Variants in NQO1 observed in about 807,000 individuals in gnomAD.
The protein encoded by NQO1 is NAD(P)H quinone dehydrogenase 1.
NQO1 carries 30 observed loss-of-function variants against 32.1 expected under a neutral mutation model. That is an observed-to-expected ratio of 0.94 (90% CI 0.70 to 1.27). The LOEUF (loss-of-function observed/expected upper bound fraction) is 1.27, where lower values mean the gene tolerates loss of function less well. Among genes scored for constraint, NQO1 ranks in the 50% most tolerant of loss-of-function variants. The probability of loss-of-function intolerance (pLI) is 0.00; values close to 1 mark genes in which losing one functional copy is unlikely to be tolerated. For missense variants in NQO1, 276 were observed against 331.3 expected, an observed-to-expected ratio of 0.83 and a Z score of 1.30; for synonymous variants, 109 against 119.7, an observed-to-expected ratio of 0.91 and a Z score of 0.59.
At chr16:69,712,589 C>T (rs2038055426) in intron 5 of NQO1, among the ~76,000 whole-genome samples, 1 of 152,210 alleles carries the variant, frequency 6.6e-6, no homozygotes, top group Non-Finnish European at 1.5e-5. Flanking sequence ...AGGAGGCTCC[C>T]ATCATTCTGA....
intron 4 of NQO1, among the ~76,000 whole-genome samples, chr16:69,714,181 A>G (rs142474651): frequency 1.5e-3 from 178 of 121,346 alleles, no homozygotes; most frequent in African/African-American, 5.2e-3. Flanking sequence ...TTGGCCTTTT[A>G]TTTTTTAAGA....
At chr16:69,720,080 G>A (rs956732784) in intron 1 of NQO1, among the ~76,000 whole-genome samples, 2 of 152,046 alleles carry the variant, frequency 1.3e-5, no homozygotes, top group African/African-American at 2.4e-5. Flanking sequence ...TGACAAAAGC[G>A]AAATCCCTTC....
chr16:69,723,109 G>C (rs1471968481), intron 1 of NQO1, among the ~76,000 whole-genome samples: 1 of 152,186 alleles, frequency 6.6e-6, no homozygotes, highest in Non-Finnish European at 1.5e-5. Flanking sequence ...ATTTTTAGTA[G>C]AGACGGGGTT....
In NQO1 at chr16:69,710,959, A is replaced by G. The variant is rs1346597816; in HGVS notation, c.*17T>C. 1 of 1,598,254 alleles carries G rather than the reference A, an allele frequency of 6.3e-7. No homozygotes were observed. The highest frequency in any genetic ancestry group is 1.7e-5 in the Admixed American group (1 of 57,558). On this transcript the variant is annotated 3_prime_UTR_variant, in exon 6 of 6. Transcript: ENST00000320623. ...AGATTTGATAACATGTTAGAAGGAA[A>G]TCCAGGCTAAGGAATCTCATTTTCT... is the stretch of plus-strand genomic sequence containing the variant.
intron 1 of NQO1, among the ~76,000 whole-genome samples, chr16:69,724,609 G>A (rs193178139): frequency 2.5e-3 from 377 of 151,078 alleles, no homozygotes; most frequent in Non-Finnish European, 4.4e-3. Flanking sequence ...GCAAAGATGG[G>A]ACAATCACTT....
chr16:69,725,026 G>T (rs2038242246), intron 1 of NQO1, among the ~76,000 whole-genome samples: 1 of 152,210 alleles, frequency 6.6e-6, no homozygotes, highest in Admixed American at 6.5e-5. Context: ...TATTGGAGGA[G>T]AGGGTGCCAG....
At position 69,713,027 on chromosome 16, in the gene NQO1, C is replaced by G. The variant is rs141820737; in HGVS notation, c.519+1G>C. ...AAAGAAAAGAAAAGAAAATGAGGTA[C>G]CTGAATTGGCCAGAGAATGACATTC... On this transcript the variant is annotated splice_donor_variant, in intron 5 of 5. Coordinates refer to ENST00000320623, the MANE Select transcript of NQO1 (RefSeq NM_000903.3). LOFTEE classifies it high-confidence loss of function. The G allele has an allele frequency of 1.4e-5, 23 of 1,611,276 alleles. No homozygotes were observed. Among genetic ancestry groups the G allele is most frequent in the African/African-American group, 6.7e-5 (5 of 74,900 alleles).
At chr16:69,716,755 G>T (rs2038118455) in intron 3 of NQO1, among the ~76,000 whole-genome samples, 1 of 152,072 alleles carries the variant, frequency 6.6e-6, no homozygotes, top group African/African-American at 2.4e-5. Flanking sequence ...TTTGAGACCA[G>T]CCTGGGCAAC....
intron 1 of NQO1, among the ~76,000 whole-genome samples, chr16:69,722,309 C>T (rs2038203101): frequency 6.6e-6 from 1 of 152,056 alleles, no homozygotes; most frequent in Non-Finnish European, 1.5e-5. Flanking sequence ...ATTACAGGCG[C>T]GTGCCACCAC....
intron 1 of NQO1, among the ~76,000 whole-genome samples, chr16:69,724,338 C>T (rs2038232385): frequency 6.7e-6 from 1 of 149,840 alleles, no homozygotes; most frequent in Non-Finnish European, 1.5e-5. Context: ...CAGAGGAAAA[C>T]TTCAGGACCT....
rs189895531 is a variant in NQO1, at chr16:69,714,965, C to T, written c.416G>A (p.Arg139Gln). Residue 139 changes from arginine (R) to glutamine (Q), a missense_variant and splice_region_variant, in exon 4 of 6, where the codon CGG (arginine) becomes CAG (glutamine). By Grantham distance (43) the Arg-to-Gln change is conservative. Coordinates refer to ENST00000320623, the MANE Select transcript of NQO1 (RefSeq NM_000903.3). ...GAGCATTCAGAACCATCCACCTACC[C>T]GGAAGGGTCCTTTGTCATACATGGC... Reference protein sequence around the residue: ...YAAMYDKGPFRSKKAVLSITT... With the variant: ...YAAMYDKGPFQSKKAVLSITT... 7.1e-5 allele frequency: 115 copies of T among 1,609,830 alleles called. 1 individual carries two copies. The highest frequency in any genetic ancestry group is 6.7e-4 in the South Asian group (61 of 90,986).
At position 69,718,531 on chromosome 16, in the gene NQO1, C is replaced by T; in HGVS notation, c.11G>A (p.Arg4Lys). 1.2e-6 allele frequency: 2 copies of T among 1,613,548 alleles called. No homozygotes were observed. The highest frequency in any genetic ancestry group is 1.3e-5 in the African/African-American group (1 of 75,046). Residue 4 changes from arginine (R) to lysine (K), a missense_variant, in exon 2 of 6, where the codon AGA becomes AAA. Transcript: ENST00000320623. MVG[R>K]RALIVLAHSE... ...GTGAGCCAGTACGATCAGTGCTCTTCTGCCTACAGAGACACACACAAAGCA... is the reference window on the plus strand; with the variant it reads ...GTGAGCCAGTACGATCAGTGCTCTTTTGCCTACAGAGACACACACAAAGCA...
In NQO1 at chr16:69,724,061, C is replaced by T. The variant is rs577200907; in HGVS notation, c.7+2372G>A. On this transcript the variant is annotated intron_variant, in intron 1 of 5. Coordinates refer to ENST00000320623, the MANE Select transcript of NQO1 (RefSeq NM_000903.3). ...GGGTGTGGTGGCTCATGCCTGTAAT[C>T]GTAGCACTTTGGGAGACCGAGGCGG... Among the ~76,000 whole-genome samples, 5 of 151,938 alleles carry T rather than the reference C, an allele frequency of 3.3e-5. No individual in the cohort carries two copies. In the East Asian group the frequency reaches 9.7e-4, roughly 30 times the overall value.
At chr16:69,726,395 A>G (rs368089263) in intron 1 of NQO1, 38 bp downstream of exon 1, 127 of 1,611,136 alleles carry the variant, frequency 7.9e-5, no homozygotes, top group South Asian at 1.3e-4. Flanking sequence ...AGTGCTCGAG[A>G]GACGACCGCC....
rs1045327055 is a variant in NQO1 at position 69,712,009 on chromosome 16, A to G, written c.520-728T>C. Among the ~76,000 whole-genome samples, 7 of 152,086 alleles carry G rather than the reference A, an allele frequency of 4.6e-5. No homozygotes were observed. In the South Asian group the frequency reaches 1.4e-3, roughly 31 times the overall value. On this transcript the variant is annotated intron_variant, in intron 5 of 5. Coordinates refer to ENST00000320623, the MANE Select transcript of NQO1 (RefSeq NM_000903.3). ...TCTCTCCAACCTCCCTCTTTATAGA[A>G]ATTATCTTGAGGGTTTGGTAACACC...
chr16:69,718,599 G>A, intron 1 of NQO1, 65 bp from the exon 2 acceptor site: 3 of 1,561,756 alleles, frequency 1.9e-6, no homozygotes, highest in South Asian at 1.2e-5. Flanking sequence ...TTCAGCTACA[G>A]GGGAGTTGCA....
At chr16:69,723,403 A>G (rs1353338861) in intron 1 of NQO1, among the ~76,000 whole-genome samples, 1 of 152,206 alleles carries the variant, frequency 6.6e-6, no homozygotes, top group Non-Finnish European at 1.5e-5. Context: ...ATGTAAGGCA[A>G]CACACAAGCA....
intron 3 of NQO1, 117 bp from the exon 4 acceptor site, chr16:69,715,194 C>T (rs1476873015): frequency 2.7e-6 from 2 of 728,662 alleles, no homozygotes; most frequent in Non-Finnish European, 4.9e-6. Context: ...CTCTTCACAC[C>T]TTTCCCATTC....
intron 1 of NQO1, among the ~76,000 whole-genome samples, chr16:69,720,289 A>G (rs941045534): frequency 6.6e-6 from 1 of 152,124 alleles, no homozygotes; most frequent in Admixed American, 6.6e-5. Flanking sequence ...AATTAAAAAA[A>G]TTAAAATGAA....
Sources: gnomAD v4.1 joint callset for allele counts (sites outside exome capture counted in the v4.1 genomes callset) on GRCh38, gnomAD v4.1.1 for gene constraint, MANE v1.5 for transcripts, NCBI Gene and HGNC (gene_info 2026-07-23, HGNC 2026-07-21) for gene names.